Variants in ERG observed in about 807,000 individuals in gnomAD.
ERG encodes the protein transcriptional regulator ERG.
ERG carries 9 observed loss-of-function variants against 55.3 expected under a neutral mutation model. The ratio of observed to expected loss-of-function variants is 0.16; its 90% CI spans 0.10 to 0.28. The LOEUF (loss-of-function observed/expected upper bound fraction) is 0.28. Ranked by LOEUF, ERG falls within the 10% of genes least tolerant of loss-of-function variation. ERG has a pLI of 1.00. For missense variants in ERG, 434 were observed against 631.6 expected (o/e 0.69, Z 3.35); for synonymous variants, 223 against 237.3 (o/e 0.94, Z 0.55).
chr21:38,556,890 C>T (rs1333667719), intron 2 of ERG, among the ~76,000 whole-genome samples: 13 of 152,178 alleles, frequency 8.5e-5, no homozygotes, highest in Non-Finnish European at 1.0e-4. Context: ...AGAGTTAGAG[C>T]TATTAGCCTA....
rs375070385 is a variant in ERG at position 38,433,827 on chromosome 21, A to G, written c.237-10266T>C. Among the ~76,000 whole-genome samples, 95 of 152,262 alleles carry G rather than the reference A, an allele frequency of 6.2e-4. 1 individual carries two copies. In the South Asian group the frequency reaches 0.017, roughly 28 times the overall value. On this transcript the variant is annotated intron_variant, in intron 2 of 9. Transcript: ENST00000288319. Reference sequence around the variant, plus strand: ...AGTCAGAATGTAATTGCGGAAATCAATATGTCTTCTTCTTTGAGTCAGTGG... The same window carrying G: ...AGTCAGAATGTAATTGCGGAAATCAGTATGTCTTCTTCTTTGAGTCAGTGG...
In ERG at chr21:38,510,399, C is replaced by G. The variant is rs1388800702; in HGVS notation, c.-41+65263G>C. Among the ~76,000 whole-genome samples, 17 of 152,298 alleles carry G rather than the reference C, an allele frequency of 1.1e-4. No homozygotes were observed. The East Asian group carries it at 3.3e-3, about 29-fold the overall frequency. On this transcript the variant is annotated intron_variant, in intron 2 of 8. Coordinates refer to the ERG transcript ENST00000398897. Reference sequence around the variant, plus strand: ...CTCTCTGTTTCATGGAATTCTTACACTGGGGAGCTCTTTTTATTTTACTAT... The same window carrying G: ...CTCTCTGTTTCATGGAATTCTTACAGTGGGGAGCTCTTTTTATTTTACTAT...
At chr21:38,611,937 G>GC (rs199771212) in intron 1 of ERG, among the ~76,000 whole-genome samples, 1 of 151,100 alleles carries the variant, frequency 6.6e-6, no homozygotes, top group East Asian at 1.9e-4. Context: ...AGGAAAAAAA[G>GC]CGGGGGGTTC....
chr21:38,458,915 G>C (rs983357838), intron 1 of ERG, among the ~76,000 whole-genome samples: 1 of 152,116 alleles, frequency 6.6e-6, no homozygotes, highest in African/African-American at 2.4e-5. Flanking sequence ...ACTCCCAGCT[G>C]GTCTCTTTGT....
At chr21:38,526,078 T>C (rs2059628196) in intron 2 of ERG, among the ~76,000 whole-genome samples, 1 of 151,992 alleles carries the variant, frequency 6.6e-6, no homozygotes, top group African/African-American at 2.4e-5. Context: ...GACTAAGAAA[T>C]GTGATGGCGT....
chr21:38,580,232 C>A (rs1475532200), intron 1 of ERG, among the ~76,000 whole-genome samples: 1 of 152,194 alleles, frequency 6.6e-6, no homozygotes, highest in South Asian at 2.1e-4. Context: ...GGATTACAGG[C>A]GTGAGCCACC....
intron 2 of ERG, among the ~76,000 whole-genome samples, chr21:38,547,179 T>A (rs2059793033): frequency 6.6e-6 from 1 of 152,234 alleles, no homozygotes; most frequent in Non-Finnish European, 1.5e-5. Flanking sequence ...AAGTGCTACA[T>A]GAAAAGTCAT....
chr21:38,543,954 C>T (rs935755423), intron 2 of ERG, among the ~76,000 whole-genome samples: 1 of 151,970 alleles, frequency 6.6e-6, no homozygotes, highest in Admixed American at 6.6e-5. Flanking sequence ...CCAGGCTGGT[C>T]GTCTCAAACT....
chr21:38,620,869 G>A (rs1205034681), intron 1 of ERG, among the ~76,000 whole-genome samples: 2 of 152,216 alleles, frequency 1.3e-5, no homozygotes. Context: ...GAATCTGTTT[G>A]GAAGCTCCTT....
intron 1 of ERG, among the ~76,000 whole-genome samples, chr21:38,605,641 G>A (rs1479542396): frequency 6.6e-6 from 1 of 152,182 alleles, no homozygotes; most frequent in Non-Finnish European, 1.5e-5. Context: ...CACTGCGGGT[G>A]GGGTTCCAAG....
At chr21:38,494,665 G>A (rs115053723) in intron 1 of ERG, among the ~76,000 whole-genome samples, 71 of 152,328 alleles carry the variant, frequency 4.7e-4, no homozygotes, top group African/African-American at 1.6e-3. Context: ...ACTTATAAAC[G>A]TAGATAATTA....
the ERG span, among the ~76,000 whole-genome samples, chr21:38,371,975 A>G: frequency 6.6e-6 from 1 of 152,036 alleles, no homozygotes; most frequent in Middle Eastern, 3.2e-3. Context: ...ATCTGACTTT[A>G]GCTTTCTTTG....
chr21:38,388,122 G>T (rs1478040060), intron 9 of ERG, among the ~76,000 whole-genome samples: 1 of 152,228 alleles, frequency 6.6e-6, no homozygotes, highest in Admixed American at 6.5e-5. Context: ...TTCTGCAAGA[G>T]GCAGGATGTA....
intron 1 of ERG, among the ~76,000 whole-genome samples, chr21:38,608,454 C>T (rs931783031): frequency 4.6e-5 from 7 of 152,090 alleles, no homozygotes; most frequent in African/African-American, 1.4e-4. Context: ...ACAACACAGC[C>T]TCAAAATACA....
intron 2 of ERG, among the ~76,000 whole-genome samples, chr21:38,430,268 A>AT (rs1990144489): frequency 6.6e-6 from 1 of 151,218 alleles, no homozygotes; most frequent in Non-Finnish European, 1.5e-5. Context: ...GAAATTATTT[A>AT]TTTTTTTCTT....
At chr21:38,434,394 C>T (rs992645095) in intron 2 of ERG, among the ~76,000 whole-genome samples, 2 of 152,204 alleles carry the variant, frequency 1.3e-5, no homozygotes, top group African/African-American at 4.8e-5. Context: ...GCCCTATTCA[C>T]CTGTTCACCA....
intron 1 of ERG, among the ~76,000 whole-genome samples, chr21:38,593,050 G>A (rs1415036144): frequency 6.6e-6 from 1 of 152,202 alleles, no homozygotes; most frequent in Non-Finnish European, 1.5e-5. Flanking sequence ...TGGACCCAAG[G>A]AAACTTTCAG....
chr21:38,427,910 G>A (rs984369450), intron 2 of ERG, among the ~76,000 whole-genome samples: 1 of 152,332 alleles, frequency 6.6e-6, no homozygotes, highest in Middle Eastern at 3.4e-3. Context: ...AAGGACGCCA[G>A]GCACAGTGGC....
chr21:38,456,363 G>A (rs1472409166), intron 1 of ERG, among the ~76,000 whole-genome samples: 1 of 152,020 alleles, frequency 6.6e-6, no homozygotes, highest in Non-Finnish European at 1.5e-5. Context: ...TTTTAAGTGT[G>A]GAAAGGATCT....
Sources: gnomAD v4.1 joint callset for allele counts (sites outside exome capture counted in the v4.1 genomes callset) on GRCh38, gnomAD v4.1.1 for gene constraint, MANE v1.5 for transcripts, NCBI Gene and HGNC (gene_info 2026-07-23, HGNC 2026-07-21) for gene names.